XYLT1: variants seen among roughly 807,000 people sequenced by gnomAD.
The protein encoded by XYLT1 is beta-D-xylosyltransferase 1.
Under a neutral mutation model 91.3 loss-of-function variants are expected in XYLT1, and 36 were observed. The observed-to-expected ratio is 0.39, with a 90% CI of 0.30 to 0.52. The LOEUF (loss-of-function observed/expected upper bound fraction) is 0.52. Among genes scored for constraint, XYLT1 ranks in the 20% least tolerant of loss-of-function variants. XYLT1 has a pLI of 0.68. For missense variants in XYLT1, 1,242 were observed against 1,284.5 expected (o/e 0.97, Z 0.51); for synonymous variants, 588 against 532.0 (o/e 1.11, Z -1.45).
chr16:17,269,982 T>G (rs776070424), intron 2 of XYLT1, among the ~76,000 whole-genome samples: 9 of 152,022 alleles, frequency 5.9e-5, no homozygotes, highest in Non-Finnish European at 1.0e-4. Flanking sequence ...CAGCTAATTT[T>G]TTTTGTATTT....
intron 1 of XYLT1, among the ~76,000 whole-genome samples, chr16:17,382,156 T>C (rs2035690524): frequency 6.6e-6 from 1 of 151,906 alleles, no homozygotes; most frequent in Admixed American, 6.6e-5. Context: ...GAAGCCACTT[T>C]GGGCCAAAAG....
At chr16:17,353,786 T>C (rs1472232342) in intron 2 of XYLT1, among the ~76,000 whole-genome samples, 2 of 152,232 alleles carry the variant, frequency 1.3e-5, no homozygotes, top group Non-Finnish European at 2.9e-5. Flanking sequence ...GCCTGAATGT[T>C]AGCAAATCTT....
intron 10 of XYLT1, among the ~76,000 whole-genome samples, chr16:17,119,403 A>G (rs2029968404): frequency 6.6e-6 from 1 of 152,240 alleles, no homozygotes; most frequent in Non-Finnish European, 1.5e-5. Flanking sequence ...TAACGGGTAC[A>G]GTATGAAGCT....
chr16:17,423,900 G>A (rs149519439), intron 1 of XYLT1, among the ~76,000 whole-genome samples: 1 of 152,230 alleles, frequency 6.6e-6, no homozygotes, highest in East Asian at 1.9e-4. Context: ...TTCATGAGAT[G>A]ACTACAGGCT....
chr16:17,387,005 G>A (rs2035755823), intron 1 of XYLT1, among the ~76,000 whole-genome samples: 1 of 152,132 alleles, frequency 6.6e-6, no homozygotes, highest in African/African-American at 2.4e-5. Flanking sequence ...GAACAGCCAC[G>A]GAGGTCAACA....
At chr16:17,437,242 A>T (rs2036469880) in intron 1 of XYLT1, among the ~76,000 whole-genome samples, 1 of 152,196 alleles carries the variant, frequency 6.6e-6, no homozygotes, top group South Asian at 2.1e-4. Flanking sequence ...CAAAATCCAG[A>T]CATCTCAGAC....
At chr16:17,249,189 G>T (rs1377385511) in intron 3 of XYLT1, among the ~76,000 whole-genome samples, 1 of 152,126 alleles carries the variant, frequency 6.6e-6, no homozygotes, top group Non-Finnish European at 1.5e-5. Context: ...TTGAATGAGG[G>T]TATATTGAAG....
At chr16:17,135,472 A>C (rs1168865721) in intron 8 of XYLT1, among the ~76,000 whole-genome samples, 2 of 151,768 alleles carry the variant, frequency 1.3e-5, no homozygotes, top group Non-Finnish European at 2.9e-5. Context: ...CAGTGAGCCG[A>C]GACTGCCGCT....
chr16:17,173,058 A>C (rs541484953), intron 5 of XYLT1, among the ~76,000 whole-genome samples: 14 of 144,728 alleles, frequency 9.7e-5, no homozygotes, highest in African/African-American at 2.7e-4. Context: ...AACAAACAAA[A>C]AAAACCAAAT....
chr16:17,357,994 G>A lies in XYLT1; in HGVS notation c.402+18C>T, dbSNP rs111904908. ...TACTAAGGCTGAGATAAGTGGCCAAGACAGGAAAGATACTTACCTGAGTCT... is the reference window on the plus strand; with the variant it reads ...TACTAAGGCTGAGATAAGTGGCCAAAACAGGAAAGATACTTACCTGAGTCT... On this transcript the variant is annotated intron_variant, in intron 2 of 11. Transcript: ENST00000261381. The A allele has an allele frequency of 8.8e-4, 1,427 of 1,613,166 alleles. 7 individuals carry two copies. In the African/African-American group the frequency reaches 0.013, roughly 15 times the overall value.
chr16:17,299,462 A>G (rs960209052), intron 2 of XYLT1, among the ~76,000 whole-genome samples: 7 of 152,248 alleles, frequency 4.6e-5, no homozygotes, highest in African/African-American at 1.7e-4. Flanking sequence ...AACTATTGCC[A>G]AACACCATTG....
intron 1 of XYLT1, among the ~76,000 whole-genome samples, chr16:17,452,662 G>C (rs936841491): frequency 3.3e-5 from 5 of 151,950 alleles, no homozygotes; most frequent in Non-Finnish European, 7.4e-5. Flanking sequence ...GAAGAGTTTC[G>C]ATTGTTTAAA....
chr16:17,439,219 G>T (rs954100619), intron 1 of XYLT1, among the ~76,000 whole-genome samples: 1 of 152,154 alleles, frequency 6.6e-6, no homozygotes, highest in Admixed American at 6.5e-5. Context: ...ATCCATGGTG[G>T]ACATGGCTAG....
intron 3 of XYLT1, among the ~76,000 whole-genome samples, chr16:17,242,710 C>T (rs2033366161): frequency 1.3e-5 from 2 of 152,206 alleles, no homozygotes; most frequent in Admixed American, 6.5e-5. Flanking sequence ...CAACCAATCT[C>T]CACAACTTTT....
rs572741840 is a variant in XYLT1 at position 17,322,561 on chromosome 16, G to A, written c.402+35451C>T. 3.9e-5 allele frequency among the ~76,000 whole-genome samples: 6 copies of A among 152,262 alleles called. No individual in the cohort carries two copies. The East Asian group carries it at 7.7e-4, about 20-fold the overall frequency. On this transcript the variant is annotated intron_variant, in intron 2 of 11. Coordinates refer to ENST00000261381, the MANE Select transcript of XYLT1 (RefSeq NM_022166.4). ...AATAGAGCAATGAGCAGAAAGGATC[G>A]AATTCCAGCCTGCCTCAGGACCTCT...
chr16:17,295,419 G>A (rs2034295394), intron 2 of XYLT1, among the ~76,000 whole-genome samples: 2 of 151,544 alleles, frequency 1.3e-5, no homozygotes, highest in African/African-American at 2.4e-5. Flanking sequence ...GCAGTGGTAC[G>A]ATCTCGGCTC....
intron 3 of XYLT1, among the ~76,000 whole-genome samples, chr16:17,243,310 T>C (rs1466818424): frequency 6.6e-6 from 1 of 152,216 alleles, no homozygotes; most frequent in Admixed American, 6.5e-5. Context: ...CCAATCCCTT[T>C]GTTAAAGTCT....
chr16:17,272,990 G>C (rs1393856971), intron 2 of XYLT1, among the ~76,000 whole-genome samples: 3 of 152,176 alleles, frequency 2.0e-5, no homozygotes, highest in Non-Finnish European at 4.4e-5. Context: ...CAATGAGTGG[G>C]TGGGAGAACA....
chr16:17,256,810 C>T (rs2033640124), intron 3 of XYLT1, among the ~76,000 whole-genome samples: 2 of 152,260 alleles, frequency 1.3e-5, no homozygotes, highest in South Asian at 4.1e-4. Context: ...CAGGCAAAGC[C>T]TTGCATGGCT....
Sources: gnomAD v4.1 joint callset for allele counts (sites outside exome capture counted in the v4.1 genomes callset) on GRCh38, gnomAD v4.1.1 for gene constraint, MANE v1.5 for transcripts, NCBI Gene and HGNC (gene_info 2026-07-23, HGNC 2026-07-21) for gene names.